Variants in CFAP69 observed in about 807,000 individuals in gnomAD.
CFAP69 encodes the protein cilia and flagella associated protein 69.
CFAP69 carries 92 observed loss-of-function variants against 123.0 expected under a neutral mutation model. The observed-to-expected ratio is 0.75, with a 90% CI of 0.63 to 0.89. CFAP69 has a LOEUF of 0.89. CFAP69 is among the 40% of genes least tolerant of loss of function. The pLI, the probability that CFAP69 is intolerant of heterozygous loss-of-function variation, is 0.00. For missense variants in CFAP69, 1,067 were observed against 1,096.9 expected (o/e 0.97, Z 0.39); for synonymous variants, 380 against 364.3 (o/e 1.04, Z -0.49).
intron 2 of CFAP69, among the ~76,000 whole-genome samples, chr7:90,255,801 G>T (rs1192164173): frequency 6.6e-6 from 1 of 152,126 alleles, no homozygotes; most frequent in Non-Finnish European, 1.5e-5. Context: ...AGGATTGGAG[G>T]ACAGAAATGG....
chr7:90,317,075 G>A, the CFAP69 span: 5 of 151,786 alleles, frequency 3.3e-5, no homozygotes, highest in African/African-American at 1.2e-4. Context: ...AATTCTAGGT[G>A]GATAGCTGTC....
chr7:90,255,674 G>C (rs957714796), intron 2 of CFAP69, among the ~76,000 whole-genome samples, 192 bp downstream of exon 2: 3 of 152,140 alleles, frequency 2.0e-5, no homozygotes, highest in Non-Finnish European at 1.5e-5. Context: ...GGGGAGACTG[G>C]AGGAAGAGAA....
chr7:90,248,258 T>C (rs1259814853), intron 1 of CFAP69, among the ~76,000 whole-genome samples: 1 of 152,242 alleles, frequency 6.6e-6, no homozygotes, highest in African/African-American at 2.4e-5. Context: ...CAGACCTAAA[T>C]TGAACCTTTC....
intron 6 of CFAP69, 120 bp downstream of exon 6, chr7:90,268,504 C>T (rs1484970511): frequency 7.3e-6 from 5 of 682,728 alleles, no homozygotes; most frequent in Non-Finnish European, 1.2e-5. Flanking sequence ...AAAAAGAAAA[C>T]TTTTTTGTAG....
Position 90,310,120 on chromosome 7 carries a change from G to C in CFAP69, c.2708G>C (p.Gly903Ala), listed in dbSNP as rs754550488. 6.2e-7 allele frequency: 1 copy of C among 1,613,796 alleles called. No individual in the cohort carries two copies. Among genetic ancestry groups the C allele is most frequent in the Admixed American group, 1.7e-5 (1 of 59,968 alleles). ...TVESTPARLVGGPLVDTDIAL... is the reference protein window; with the variant it reads ...TVESTPARLVAGPLVDTDIAL... Reference sequence around the variant, plus strand: ...GAAAGCACTCCTGCCCGATTAGTAGGAGGACCTCTGGTTGATACGGATATT... The same window carrying C: ...GAAAGCACTCCTGCCCGATTAGTAGCAGGACCTCTGGTTGATACGGATATT... The change falls in exon 23 of 23, where the codon GGA becomes GCA. Residue 903 changes from glycine (G) to alanine (A), a missense_variant. Coordinates refer to ENST00000389297, the MANE Select transcript of CFAP69 (RefSeq NM_001039706.3).
In CFAP69 at chr7:90,277,201, T is replaced by A. The variant is rs370812085; in HGVS notation, c.1034-12T>A. Reference sequence around the variant, plus strand: ...ACATTTAAGCTTTCATTTTACTTTTTTTCCCTCACAGTTAAAAGTCAAAAT... The same window carrying A: ...ACATTTAAGCTTTCATTTTACTTTTATTCCCTCACAGTTAAAAGTCAAAAT... On this transcript the variant is annotated splice_polypyrimidine_tract_variant and intron_variant, in intron 10 of 22. Transcript: ENST00000389297. The A allele has an allele frequency of 6.3e-7, 1 of 1,582,590 alleles. No individual in the cohort carries two copies. The highest frequency in any genetic ancestry group is 2.3e-5 in the East Asian group (1 of 44,340).
Position 90,271,766 on chromosome 7 carries a change from A to T in CFAP69, c.683-15A>T. 6.3e-7 allele frequency: 1 copy of T among 1,577,828 alleles called. No homozygotes were observed. The highest frequency in any genetic ancestry group is 1.4e-5 in the African/African-American group (1 of 72,810). ...ATATTGTAAAGCACAAATAATTTTT[A>T]AAATTTATTTTCAGAAGTTAATTGT... On this transcript the variant is annotated splice_polypyrimidine_tract_variant and intron_variant, in intron 7 of 22. Transcript: ENST00000389297.
intron 1 of CFAP69, among the ~76,000 whole-genome samples, chr7:90,249,385 A>C (rs1796701573): frequency 6.6e-6 from 1 of 152,144 alleles, no homozygotes; most frequent in East Asian, 1.9e-4. Flanking sequence ...TTTATAAATT[A>C]CCCAGTCTTG....
intron 4 of CFAP69, 30 bp from the exon 5 acceptor site, chr7:90,265,271 T>G (rs979349382): frequency 1.4e-6 from 2 of 1,428,474 alleles, no homozygotes; most frequent in African/African-American, 1.4e-5. Flanking sequence ...TATTAAAAAT[T>G]ACTGTTACAA....
chr7:90,258,828 A>G (rs1455140613), intron 3 of CFAP69, among the ~76,000 whole-genome samples: 2 of 152,200 alleles, frequency 1.3e-5, no homozygotes, highest in African/African-American at 4.8e-5. Flanking sequence ...AAACAATATA[A>G]CACAAGTAAC....
rs139043969 is a variant in CFAP69 at position 90,293,308 on chromosome 7, G to A, written c.1776-4441G>A. On this transcript the variant is annotated intron_variant, in intron 15 of 22. Coordinates refer to ENST00000389297, the MANE Select transcript of CFAP69 (RefSeq NM_001039706.3). ...ATAGACATATCTACCCAATTTTAAT[G>A]TTTGACCATAAGGTAAGATTCTCAT... 8.7e-3 allele frequency among the ~76,000 whole-genome samples: 1,321 copies of A among 152,148 alleles called. 21 individuals carry two copies. The highest frequency in any genetic ancestry group is 0.029 in the African/African-American group (1,212 of 41,496).
At chr7:90,289,840 T>C (rs1790862308) in intron 15 of CFAP69, among the ~76,000 whole-genome samples, 1 of 152,208 alleles carries the variant, frequency 6.6e-6, no homozygotes. Flanking sequence ...TTTTGTATGG[T>C]TGTAATTCAA....
chr7:90,257,321 T>C (rs748993059), intron 2 of CFAP69, among the ~76,000 whole-genome samples: 17 of 152,190 alleles, frequency 1.1e-4, no homozygotes, highest in Non-Finnish European at 1.9e-4. Flanking sequence ...TGATACATAA[T>C]GTCTGTAAAT....
intron 13 of CFAP69, among the ~76,000 whole-genome samples, chr7:90,286,034 G>T (rs577871588): frequency 1.3e-5 from 2 of 152,222 alleles, no homozygotes; most frequent in South Asian, 2.1e-4. Context: ...GGGCATGGTC[G>T]TGCACGCCTG....
In CFAP69 at chr7:90,261,930, A is replaced by C. The variant is rs762937117; in HGVS notation, c.247-17A>C. 4 of 1,284,808 alleles carry C rather than the reference A, an allele frequency of 3.1e-6. No homozygotes were observed. Among genetic ancestry groups the C allele is most frequent in the Non-Finnish European group, 4.4e-6 (4 of 918,028 alleles). The allele number at this position is 1,284,808 out of a possible 1,614,324, so 79.6% of individuals were successfully genotyped here. On this transcript the variant is annotated splice_polypyrimidine_tract_variant and intron_variant, in intron 3 of 22. Coordinates refer to ENST00000389297, the MANE Select transcript of CFAP69 (RefSeq NM_001039706.3). The stretch of plus-strand genomic sequence containing the variant: ...GATATTAATCTGAATTTTATTTCTT[A>C]ACTAAAAATATTAAAGCCATTAAGG...
Position 90,245,330 on chromosome 7 carries a change from C to T in CFAP69, c.-95C>T. On this transcript the variant is annotated 5_prime_UTR_variant, in exon 1 of 23. Transcript: ENST00000389297. ...ACTCTAGCGACTCTCAGGCTGCCTT[C>T]CCTTCTCGGTGGCGGGGCCTCTTTG... The T allele has an allele frequency of 7.0e-7, 1 of 1,421,306 alleles. No homozygotes were observed. The highest frequency in any genetic ancestry group is 9.2e-7 in the Non-Finnish European group (1 of 1,086,904). The allele number at this position is 1,421,306 out of a possible 1,614,324, so 88.0% of individuals were successfully genotyped here.
intron 9 of CFAP69, among the ~76,000 whole-genome samples, chr7:90,275,030 T>C (rs1269243648): frequency 2.0e-5 from 3 of 152,206 alleles, no homozygotes; most frequent in African/African-American, 7.2e-5. Context: ...TTCTCTCTAT[T>C]CTTCAGGTTG....
At chr7:90,258,453 C>T (rs1486792777) in intron 3 of CFAP69, among the ~76,000 whole-genome samples, 3 of 152,088 alleles carry the variant, frequency 2.0e-5, no homozygotes, top group African/African-American at 7.2e-5. Context: ...TTGCCTCATG[C>T]CCTCTTCCCC....
rs370129145 is a variant in CFAP69 at position 90,250,993 on chromosome 7, C to T, written c.121-4430C>T. On this transcript the variant is annotated intron_variant, in intron 1 of 22. Transcript: ENST00000389297. ...TAATTCCATTTGCTGTTGTCTATAC[C>T]AGTTGCTGCTACCTATTCAAGGCCC... Among the ~76,000 whole-genome samples, 12 of 151,858 alleles carry T rather than the reference C, an allele frequency of 7.9e-5. No homozygotes were observed. In the East Asian group the frequency reaches 9.6e-4, roughly 12 times the overall value.
Sources: gnomAD v4.1 joint callset for allele counts (sites outside exome capture counted in the v4.1 genomes callset) on GRCh38, gnomAD v4.1.1 for gene constraint, MANE v1.5 for transcripts, NCBI Gene and HGNC (gene_info 2026-07-23, HGNC 2026-07-21) for gene names.